Variants in PPEF1 observed in about 807,000 individuals in gnomAD.
PPEF1 encodes the protein protein phosphatase with EF-hand domain 1, also known as serine/threonine-protein phosphatase with EF-hands 1.
In PPEF1, 12 loss-of-function variants were observed where a neutral mutation model predicts 53.3. The observed-to-expected ratio is 0.23, with a 90% CI of 0.14 to 0.36. PPEF1 has a LOEUF of 0.36. Ranked by LOEUF, PPEF1 falls within the 10% of genes least tolerant of loss-of-function variation. The pLI, the probability that PPEF1 is intolerant of heterozygous loss-of-function variation, is 1.00. For missense variants in PPEF1, 334 were observed against 490.4 expected, an observed-to-expected ratio of 0.68 and a Z score of 3.01; for synonymous variants, 165 against 176.7, an observed-to-expected ratio of 0.93 and a Z score of 0.52.
chrX:18,793,504 A>G (rs916152245), intron 10 of PPEF1, among the ~76,000 whole-genome samples: 8 of 111,554 alleles, frequency 7.2e-5, no homozygotes, highest in African/African-American at 3.3e-5. Context: ...GTGGCCTAGC[A>G]TATGGTTTAT....
intron 3 of PPEF1, among the ~76,000 whole-genome samples, chrX:18,686,644 C>T (rs1160937962): frequency 2.7e-5 from 3 of 110,513 alleles, no homozygotes; most frequent in Admixed American, 9.7e-5. Flanking sequence ...AAACAGGAAG[C>T]GGGGGTGATT....
chrX:18,740,478 C>G (rs1055475151), intron 3 of PPEF1, among the ~76,000 whole-genome samples: 1 of 107,516 alleles, frequency 9.3e-6, no homozygotes, highest in Non-Finnish European at 1.9e-5. Context: ...GGCACGGTCT[C>G]GGCTCACTGC....
chrX:18,807,437 T>G (rs2046696648), intron 12 of PPEF1, among the ~76,000 whole-genome samples: 1 of 112,078 alleles, frequency 8.9e-6, no homozygotes, highest in African/African-American at 3.2e-5. Flanking sequence ...TCAATTATCC[T>G]TTTCCCCAGA....
intron 10 of PPEF1, among the ~76,000 whole-genome samples, chrX:18,800,469 GA>G (rs943929851): frequency 3.6e-5 from 4 of 110,345 alleles, no homozygotes; most frequent in African/African-American, 1.3e-4. Context: ...AAAATATTTG[GA>G]AAAAAAGAAA....
chrX:18,737,487 G>A (rs1394816764), intron 3 of PPEF1, among the ~76,000 whole-genome samples: 13 of 112,008 alleles, frequency 1.2e-4, no homozygotes, highest in Admixed American at 8.6e-4. Context: ...TGGTCTGAGA[G>A]ACAGTTTGTT....
At chrX:18,680,290 C>T (rs754872373), upstream of PPEF1, among the ~76,000 whole-genome samples, 7 of 109,525 alleles carry the variant, frequency 6.4e-5, no homozygotes, top group East Asian at 2.9e-4. Flanking sequence ...TCACCTTGCT[C>T]GGGTCATACC....
chrX:18,725,896 T>C (rs2044695013), intron 1 of PPEF1, among the ~76,000 whole-genome samples: 1 of 110,851 alleles, frequency 9.0e-6, no homozygotes, highest in Non-Finnish European at 1.9e-5. Flanking sequence ...GAACGTATTG[T>C]GTGCTATATA....
At chrX:18,790,614 T>C (rs1416844016) in intron 10 of PPEF1, among the ~76,000 whole-genome samples, 1 of 112,009 alleles carries the variant, frequency 8.9e-6, no homozygotes, top group Non-Finnish European at 1.9e-5. Context: ...GTCTGATCCA[T>C]TTTGAGTTAA....
chrX:18,689,447 A>T (rs935122021), intron 3 of PPEF1, among the ~76,000 whole-genome samples: 17 of 105,151 alleles, frequency 1.6e-4, no homozygotes, highest in African/African-American at 5.8e-4. Flanking sequence ...GCGCCACTGC[A>T]CTCCAGCCTG....
Position 18,719,757 on chromosome X carries a change from C to T in PPEF1, c.47-10424C>T, listed in dbSNP as rs778976512. On this transcript the variant is annotated intron_variant, in intron 1 of 15. Coordinates refer to ENST00000470157, the MANE Select transcript of PPEF1 (RefSeq NM_001377996.1). ...GGCTTTAAATGGGCCATTTAAAAAT[C>T]CTAATCCTAATAAATGTAGAAGAAA... 7.2e-5 allele frequency among the ~76,000 whole-genome samples: 8 copies of T among 111,248 alleles called. No individual in the cohort carries two copies. The South Asian group carries it at 1.9e-3, about 26-fold the overall frequency.
At chrX:18,790,515 A>G (rs149222161) in intron 10 of PPEF1, among the ~76,000 whole-genome samples, 407 of 110,828 alleles carry the variant, frequency 3.7e-3, no homozygotes, top group African/African-American at 0.013. Flanking sequence ...TTGGTGTTGT[A>G]TCTAAGCTAT....
intron 10 of PPEF1, among the ~76,000 whole-genome samples, chrX:18,802,384 T>TA (rs1403534085): frequency 9.0e-5 from 10 of 111,602 alleles, no homozygotes; most frequent in African/African-American, 3.3e-4. Context: ...AAAATGATTT[T>TA]AAAAATTTGG....
chrX:18,732,816 A>T (rs1182103301), intron 2 of PPEF1, among the ~76,000 whole-genome samples: 1 of 112,212 alleles, frequency 8.9e-6, no homozygotes. Context: ...TGTGGCTGGA[A>T]AGCTGGTGAA....
intron 12 of PPEF1, among the ~76,000 whole-genome samples, chrX:18,808,672 A>G (rs2147706116): frequency 9.0e-6 from 1 of 111,384 alleles, no homozygotes; most frequent in East Asian, 2.8e-4. Flanking sequence ...GTCACTAATT[A>G]TCAGGGAAAT....
intron 12 of PPEF1, among the ~76,000 whole-genome samples, chrX:18,816,564 G>A (rs1375571007): frequency 1.8e-5 from 2 of 111,585 alleles, no homozygotes; most frequent in Non-Finnish European, 3.8e-5. Context: ...TTTGAGTGCT[G>A]TTCAAGACTT....
intron 3 of PPEF1, among the ~76,000 whole-genome samples, chrX:18,688,455 C>T (rs1313747312): frequency 8.9e-6 from 1 of 112,889 alleles, no homozygotes; most frequent in Non-Finnish European, 1.9e-5. Context: ...GTAGACATTG[C>T]TTCTCATTAG....
intron 6 of PPEF1, among the ~76,000 whole-genome samples, chrX:18,767,001 A>C (rs1311573367): frequency 8.9e-6 from 1 of 111,780 alleles, no homozygotes. Context: ...GCAGTGAGCC[A>C]AGATTGTGCC....
rs759368241 is a variant in PPEF1 at position 18,710,583 on chromosome X, A to G, written c.46+2757A>G. Among the ~76,000 whole-genome samples, 6 of 112,335 alleles carry G rather than the reference A, an allele frequency of 5.3e-5. No homozygotes were observed. In the South Asian group the frequency reaches 2.2e-3, roughly 41 times the overall value. On this transcript the variant is annotated intron_variant, in intron 1 of 15. Transcript: ENST00000470157. Reference sequence around the variant, plus strand: ...AACAAACACACGAAAAAAATGCTCAACATCACTAATCATCAGGTAAATGCA... The same window carrying G: ...AACAAACACACGAAAAAAATGCTCAGCATCACTAATCATCAGGTAAATGCA...
In PPEF1 at chrX:18,733,822, T is replaced by C. The variant is rs746968106; in HGVS notation, c.235+14T>C. On this transcript the variant is annotated intron_variant, in intron 3 of 15. Transcript: ENST00000470157. Reference sequence around the variant, plus strand: ...AGGAAGAGCTAGGTAAGTAAAAAGCTTAGTCTTTTCAAATGTGTCATTAAA... The same window carrying C: ...AGGAAGAGCTAGGTAAGTAAAAAGCCTAGTCTTTTCAAATGTGTCATTAAA... 3.5e-6 allele frequency: 4 copies of C among 1,145,528 alleles called. No homozygotes were observed. The highest frequency in any genetic ancestry group is 5.2e-4 in the Middle Eastern group (2 of 3,836). 94.4% of individuals were successfully genotyped at this position (1,145,528 alleles called of 1,213,427 possible). A position where few individuals can be genotyped will look rare whatever the true frequency, so the allele number is the denominator to read the frequency against.
Sources: gnomAD v4.1 joint callset for allele counts (sites outside exome capture counted in the v4.1 genomes callset) on GRCh38, gnomAD v4.1.1 for gene constraint, MANE v1.5 for transcripts, NCBI Gene and HGNC (gene_info 2026-07-23, HGNC 2026-07-21) for gene names.